Variants in PRDM16 observed in about 807,000 individuals in gnomAD.
PRDM16 encodes histone-lysine N-methyltransferase PRDM16.
PRDM16 carries 23 observed loss-of-function variants against 110.6 expected under a neutral mutation model. The observed-to-expected ratio is 0.21, with a 90% CI of 0.15 to 0.29. PRDM16 has a LOEUF of 0.29. Among genes scored for constraint, PRDM16 ranks in the 10% least tolerant of loss-of-function variants. PRDM16 has a pLI of 1.00. For missense variants in PRDM16, 1,615 were observed against 1,794.3 expected (o/e 0.90, Z 1.81); for synonymous variants, 799 against 781.8 (o/e 1.02, Z -0.37).
intron 3 of PRDM16, among the ~76,000 whole-genome samples, chr1:3,336,554 A>G (rs917460949): frequency 6.6e-6 from 1 of 151,722 alleles, no homozygotes; most frequent in African/African-American, 2.4e-5. Context: ...GAGTGCATGC[A>G]TGCACATGTG....
chr1:3,256,769 A>G (rs1022927930), intron 3 of PRDM16, among the ~76,000 whole-genome samples: 1 of 152,162 alleles, frequency 6.6e-6, no homozygotes, highest in Non-Finnish European at 1.5e-5. Context: ...AGGCAGGAGA[A>G]TGGCGTGAAC....
chr1:3,114,292 AACGCACACGCACG>A (rs1642883066), intron 1 of PRDM16, among the ~76,000 whole-genome samples: 1 of 131,256 alleles, frequency 7.6e-6, no homozygotes, highest in African/African-American at 2.9e-5. Flanking sequence ...ACGCAGTGGA[AACGCACACGCACG>A]CACACACACG....
chr1:3,365,012 C>T (rs1557635022), intron 3 of PRDM16, among the ~76,000 whole-genome samples: 1 of 152,126 alleles, frequency 6.6e-6, no homozygotes, highest in African/African-American at 2.4e-5. Flanking sequence ...CCAGGGGATG[C>T]AAAGGAAGGG....
At chr1:3,322,402 T>C (rs971907602) in intron 3 of PRDM16, among the ~76,000 whole-genome samples, 1 of 152,114 alleles carries the variant, frequency 6.6e-6, no homozygotes, top group African/African-American at 2.4e-5. Context: ...AAACAGAATT[T>C]AAAAACAATT....
intron 7 of PRDM16, 25 bp downstream of exon 7, chr1:3,404,911 C>G (rs369391099): frequency 1.2e-6 from 2 of 1,609,256 alleles, no homozygotes; most frequent in Non-Finnish European, 1.7e-6. Context: ...GGCCCCGTCT[C>G]AGCCCCGGGG....
intron 1 of PRDM16, among the ~76,000 whole-genome samples, chr1:3,102,726 C>T (rs1329642858): frequency 3.9e-5 from 6 of 152,190 alleles, no homozygotes; most frequent in Non-Finnish European, 5.9e-5. Flanking sequence ...GAGACCTGTA[C>T]CTGTTACCAG....
In PRDM16 at chr1:3,396,609, C is replaced by A. The variant is rs775445143; in HGVS notation, c.676+16C>A. 50 of 1,361,784 alleles carry A rather than the reference C, an allele frequency of 3.7e-5. No homozygotes were observed. The East Asian group carries it at 8.1e-4, about 22-fold the overall frequency. The allele number at this position is 1,361,784 out of a possible 1,614,324, so 84.4% of individuals were successfully genotyped here. On this transcript the variant is annotated intron_variant, in intron 5 of 16. Transcript: ENST00000270722. ...GGCCTGGACGGTAAGACCCCTCCCC[C>A]AAACCGGGCCACGGCCCCTGGGAGC...
At chr1:3,099,828 G>A (rs1036140031) in intron 1 of PRDM16, among the ~76,000 whole-genome samples, 4 of 152,230 alleles carry the variant, frequency 2.6e-5, no homozygotes, top group African/African-American at 9.6e-5. Flanking sequence ...GCTGAAGAGT[G>A]AACCGTCGTG....
intron 3 of PRDM16, among the ~76,000 whole-genome samples, chr1:3,320,556 A>G (rs946774684): frequency 1.3e-5 from 2 of 152,174 alleles, no homozygotes; most frequent in Non-Finnish European, 2.9e-5. Flanking sequence ...GTCTCAGGGC[A>G]CAAAGTCTGC....
chr1:3,340,958 G>A (rs945422079), intron 3 of PRDM16, among the ~76,000 whole-genome samples: 4 of 152,182 alleles, frequency 2.6e-5, no homozygotes, highest in Admixed American at 1.3e-4. Flanking sequence ...TGGCCCCCGT[G>A]AGCTGACCCC....
chr1:3,171,170 CG>C (rs1644021228), intron 1 of PRDM16, among the ~76,000 whole-genome samples: 5 of 152,220 alleles, frequency 3.3e-5, no homozygotes, highest in South Asian at 4.1e-4. Context: ...TTACTTGCGG[CG>C]TGACTTGCTC....
At chr1:3,204,693 T>C (rs1443032151) in intron 2 of PRDM16, among the ~76,000 whole-genome samples, 1 of 152,276 alleles carries the variant, frequency 6.6e-6, no homozygotes, top group Non-Finnish European at 1.5e-5. Context: ...TGCGTGTACG[T>C]AGACGTGTGA....
intron 1 of PRDM16, among the ~76,000 whole-genome samples, chr1:3,114,436 A>C (rs1642895301): frequency 7.9e-6 from 1 of 126,408 alleles, no homozygotes; most frequent in Admixed American, 7.5e-5. Flanking sequence ...ACCAGGTGTA[A>C]ACAGACGCAC....
At chr1:3,330,513 C>T (rs557706974) in intron 3 of PRDM16, among the ~76,000 whole-genome samples, 44 of 152,316 alleles carry the variant, frequency 2.9e-4, no homozygotes, top group Non-Finnish European at 5.3e-4. Context: ...CCCCTCGCTC[C>T]CTAGGCATCC....
chr1:3,411,997 C>T lies in PRDM16; in HGVS notation c.1800C>T (p.Asp600=), dbSNP rs375279095. The T allele has an allele frequency of 4.2e-5, 68 of 1,613,480 alleles. No homozygotes were observed. The highest frequency in any genetic ancestry group is 7.7e-5 in the South Asian group (7 of 91,078). The part of the protein sequence containing the change: ...KLKTRSSDMS[D]GSDFEDVNTT... Reference sequence around the variant, plus strand: ...AGACCAGGAGCAGCGACATGTCGGACGGCAGTGACTTTGAGGACGTCAACA... The same window carrying T: ...AGACCAGGAGCAGCGACATGTCGGATGGCAGTGACTTTGAGGACGTCAACA... The change falls in exon 9 of 17, where the codon GAC becomes GAT. Residue 600 remains aspartate, a synonymous_variant. Coordinates refer to ENST00000270722, the MANE Select transcript of PRDM16 (RefSeq NM_022114.4).
chr1:3,186,060 C>G (rs926544554), intron 1 of PRDM16, 65 bp from the exon 2 acceptor site: 2 of 1,401,740 alleles, frequency 1.4e-6, no homozygotes, highest in African/African-American at 1.4e-5. Flanking sequence ...CCCCGGCGCT[C>G]CCTGAGCTGT....
At chr1:3,103,941 G>A (rs1642588995) in intron 1 of PRDM16, among the ~76,000 whole-genome samples, 1 of 152,190 alleles carries the variant, frequency 6.6e-6, no homozygotes, top group Non-Finnish European at 1.5e-5. Flanking sequence ...CACAGGGCGG[G>A]ACTACCCTGG....
rs1643039196 is a variant in PRDM16 at position 3,378,662 on chromosome 1, AC to A, written c.439-6489del. Among the ~76,000 whole-genome samples the A allele has an allele frequency of 1.3e-5, 2 of 152,094 alleles. 1 individual carries two copies. Among genetic ancestry groups the A allele is most frequent in the Admixed American group, 1.3e-4 (2 of 15,292 alleles). The stretch of plus-strand genomic sequence containing the variant: ...CAGCACCCTGCATGGCCCTGAGTGC[AC>A]AGAGACCCTGGGGAGGAAGGCGAGA... On this transcript the variant is annotated intron_variant, in intron 3 of 16. Coordinates refer to ENST00000270722, the MANE Select transcript of PRDM16 (RefSeq NM_022114.4).
rs569453772 is a variant in PRDM16, at chr1:3,368,923, G to A, written c.439-16229G>A. ...ACCCCCATTCAAATTCCGGGTAATC[G>A]GCCGCATGCTGCCTCCCCTCGGAGA... On this transcript the variant is annotated intron_variant, in intron 3 of 16. Transcript: ENST00000270722. 7.9e-5 allele frequency among the ~76,000 whole-genome samples: 12 copies of A among 152,304 alleles called. No homozygotes were observed. In the South Asian group the frequency reaches 1.2e-3, roughly 16 times the overall value.
Sources: allele counts gnomAD v4.1 joint callset (sites outside exome capture counted in the v4.1 genomes callset), GRCh38; gene constraint gnomAD v4.1.1; transcripts MANE v1.5; gene names NCBI Gene and HGNC (gene_info 2026-07-23, HGNC 2026-07-21).